The following LYPD6 variants were observed in gnomAD, a reference collection of about 807,000 sequenced individuals.
The protein encoded by LYPD6 is ly6/PLAUR domain-containing protein 6.
LYPD6 carries 15 observed loss-of-function variants against 22.7 expected under a neutral mutation model. The ratio of observed to expected loss-of-function variants is 0.66; its 90% CI spans 0.44 to 1.02. The LOEUF (loss-of-function observed/expected upper bound fraction) is 1.02. LYPD6 is among the 50% of genes least tolerant of loss of function. The pLI, the probability that LYPD6 is intolerant of heterozygous loss-of-function variation, is 0.00. For synonymous variants in LYPD6, 72 were observed against 77.5 expected (o/e 0.93, Z 0.37); for missense variants, 189 against 208.4 (o/e 0.91, Z 0.57).
intron 4 of LYPD6, 59 bp downstream of exon 4, chr2:149,468,834 T>C: frequency 3.2e-6 from 5 of 1,583,108 alleles, no homozygotes; most frequent in Non-Finnish European, 4.3e-6. Flanking sequence ...TCTTCAGACA[T>C]CTGCCAGTAC....
At chr2:149,402,598 ATTGTGG>A (rs911786289) in intron 1 of LYPD6, among the ~76,000 whole-genome samples, 6 of 151,996 alleles carry the variant, frequency 3.9e-5, no homozygotes, top group Admixed American at 3.9e-4. Flanking sequence ...TTGGTATTAT[ATTGTGG>A]TTTTGATTTG....
the LYPD6 span, among the ~76,000 whole-genome samples, chr2:149,482,492 T>G: frequency 1.3e-5 from 2 of 152,176 alleles, no homozygotes; most frequent in Non-Finnish European, 2.9e-5. Flanking sequence ...ACACAGACCA[T>G]CAGCTACAAA....
intron 1 of LYPD6, among the ~76,000 whole-genome samples, chr2:149,335,501 T>G (rs1681018275): frequency 6.6e-6 from 1 of 152,206 alleles, no homozygotes; most frequent in African/African-American, 2.4e-5. Context: ...TATAAAAGTT[T>G]GTAAAATAAA....
chr2:149,418,531 T>G (rs1222768066), intron 1 of LYPD6, among the ~76,000 whole-genome samples: 1 of 152,234 alleles, frequency 6.6e-6, no homozygotes, highest in East Asian at 1.9e-4. Context: ...TAAAGCAAAC[T>G]GGGTTAAAGA....
At chr2:149,335,655 C>G (rs183250219) in intron 1 of LYPD6, among the ~76,000 whole-genome samples, 168 of 152,322 alleles carry the variant, frequency 1.1e-3, no homozygotes, top group African/African-American at 3.8e-3. Flanking sequence ...TTCCCACTCA[C>G]TCACTTGCCA....
chr2:149,349,953 A>T (rs76232344), intron 1 of LYPD6, among the ~76,000 whole-genome samples: 14,623 of 152,100 alleles, frequency 0.096, 816 homozygotes, highest in African/African-American at 0.15. Flanking sequence ...CTGAAAAAAA[A>T]ATATATATGC....
intron 3 of LYPD6, among the ~76,000 whole-genome samples, chr2:149,458,341 C>T (rs1681012893): frequency 6.6e-6 from 1 of 152,150 alleles, no homozygotes; most frequent in Non-Finnish European, 1.5e-5. Context: ...AAGGTTGTGT[C>T]AAAGGAGGCT....
At chr2:149,446,121 G>A in intron 2 of LYPD6, among the ~76,000 whole-genome samples, 1 of 152,132 alleles carries the variant, frequency 6.6e-6, no homozygotes, top group African/African-American at 2.4e-5. Flanking sequence ...AAGAATAGCA[G>A]GTGGATGGAG....
chr2:149,383,124 GT>G (rs1682104862), intron 1 of LYPD6, among the ~76,000 whole-genome samples: 1 of 152,166 alleles, frequency 6.6e-6, no homozygotes, highest in East Asian at 1.9e-4. Flanking sequence ...TTAATTCAGT[GT>G]TTTGCAACTA....
rs181662491 is a variant in LYPD6 at position 149,342,195 on chromosome 2, G to A, written c.-72+11473G>A. ...GTATGATATTTTTACCCTTACCCTG[G>A]GGAAGGCACAAAACTATTAATGAAG... On this transcript the variant is annotated intron_variant, in intron 1 of 4. Transcript: ENST00000334166. Among the ~76,000 whole-genome samples the A allele has an allele frequency of 5.4e-3, 817 of 152,120 alleles. 9 individuals carry two copies. The highest frequency in any genetic ancestry group is 5.7e-3 in the Non-Finnish European group (388 of 68,002).
intron 2 of LYPD6, among the ~76,000 whole-genome samples, chr2:149,448,712 C>T (rs1215344033): frequency 1.3e-5 from 2 of 152,164 alleles, no homozygotes; most frequent in Non-Finnish European, 2.9e-5. Context: ...TAGTTCATTC[C>T]TTTTTATTGC....
At chr2:149,481,788 T>C in the LYPD6 span, among the ~76,000 whole-genome samples, 1 of 152,264 alleles carries the variant, frequency 6.6e-6, no homozygotes, top group Admixed American at 6.5e-5. Flanking sequence ...ATTGTTTATG[T>C]TATGGTAATA....
chr2:149,404,945 C>T (rs142669785), intron 1 of LYPD6, among the ~76,000 whole-genome samples: 39 of 151,858 alleles, frequency 2.6e-4, no homozygotes, highest in African/African-American at 8.2e-4. Context: ...TAGCATGAAG[C>T]GTTGTTGAAT....
chr2:149,358,525 G>T (rs1318490211), intron 1 of LYPD6, among the ~76,000 whole-genome samples: 3 of 152,170 alleles, frequency 2.0e-5, no homozygotes, highest in Non-Finnish European at 4.4e-5. Context: ...TCAAGTCCTA[G>T]AGCATAAAGC....
chr2:149,435,400 T>C (rs1683408416), intron 1 of LYPD6, among the ~76,000 whole-genome samples: 1 of 152,236 alleles, frequency 6.6e-6, no homozygotes, highest in Non-Finnish European at 1.5e-5. Context: ...TCATTCCATT[T>C]TGATCTCTGA....
At chr2:149,401,840 A>C (rs938354264) in intron 1 of LYPD6, among the ~76,000 whole-genome samples, 3 of 152,044 alleles carry the variant, frequency 2.0e-5, no homozygotes, top group African/African-American at 7.2e-5. Flanking sequence ...TACCCACTGC[A>C]TAGTCTTTTA....
At chr2:149,427,150 A>G (rs538974501) in intron 1 of LYPD6, among the ~76,000 whole-genome samples, 1 of 152,228 alleles carries the variant, frequency 6.6e-6, no homozygotes, top group African/African-American at 2.4e-5. Context: ...GATATAAAGC[A>G]TATGCCTCAT....
chr2:149,337,996 A>G (rs867938168), intron 1 of LYPD6, among the ~76,000 whole-genome samples: 1 of 115,724 alleles, frequency 8.6e-6, no homozygotes, highest in East Asian at 3.7e-4. Flanking sequence ...TCCGTGGTGT[A>G]TATGTACCAC....
chr2:149,433,927 T>C (rs748909855), intron 1 of LYPD6, among the ~76,000 whole-genome samples: 4 of 152,188 alleles, frequency 2.6e-5, no homozygotes, highest in Admixed American at 6.5e-5. Flanking sequence ...AGAAAGGATG[T>C]GGAATCATGA....
Sources: gnomAD v4.1 joint callset for allele counts (sites outside exome capture counted in the v4.1 genomes callset) on GRCh38, gnomAD v4.1.1 for gene constraint, MANE v1.5 for transcripts, NCBI Gene and HGNC (gene_info 2026-07-23, HGNC 2026-07-21) for gene names.